XYLT1: variants seen among roughly 807,000 people sequenced by gnomAD.
The protein encoded by XYLT1 is xylosyltransferase 1.
XYLT1 carries 36 observed loss-of-function variants against 91.3 expected under a neutral mutation model. The observed-to-expected ratio is 0.39, with a 90% CI of 0.30 to 0.52. XYLT1 has a LOEUF of 0.52. Among genes scored for constraint, XYLT1 ranks in the 20% least tolerant of loss-of-function variants. The pLI is 0.68. For synonymous variants in XYLT1, 588 were observed against 532.0 expected, an observed-to-expected ratio of 1.11 and a Z score of -1.45; for missense variants, 1,242 against 1,284.5, an observed-to-expected ratio of 0.97 and a Z score of 0.51.
intron 2 of XYLT1, among the ~76,000 whole-genome samples, chr16:17,262,095 C>T (rs969462277): frequency 6.6e-5 from 10 of 152,158 alleles, no homozygotes; most frequent in African/African-American, 2.4e-4. Context: ...GAGCCAGGCA[C>T]CACAGTAAGT....
At chr16:17,227,092 A>G (rs910107359) in intron 3 of XYLT1, 1 of 152,262 alleles carries the variant, frequency 6.6e-6, no homozygotes, top group African/African-American at 2.4e-5. Flanking sequence ...CAGTGGAGCC[A>G]TGGCAGGTAC....
At chr16:17,316,351 G>A (rs192749967) in intron 2 of XYLT1, among the ~76,000 whole-genome samples, 2 of 152,170 alleles carry the variant, frequency 1.3e-5, no homozygotes, top group Admixed American at 1.3e-4. Flanking sequence ...GCAGATTTGG[G>A]GAATTCAGAG....
At chr16:17,327,361 CTTTTTTTT>C (rs138879762) in intron 2 of XYLT1, among the ~76,000 whole-genome samples, 21 of 108,078 alleles carry the variant, frequency 1.9e-4, no homozygotes, top group African/African-American at 5.6e-4. Context: ...TTTCTTTTTT[CTTTTTTTT>C]TTTTTTTTTT....
intron 5 of XYLT1, among the ~76,000 whole-genome samples, chr16:17,195,575 AG>A (rs1047194046): frequency 5.9e-4 from 90 of 152,034 alleles, no homozygotes; most frequent in African/African-American, 2.1e-3. Flanking sequence ...CCTCCCAAGT[AG>A]GGGGGATTAC....
intron 2 of XYLT1, among the ~76,000 whole-genome samples, chr16:17,278,148 G>T (rs938838577): frequency 1.3e-5 from 2 of 152,128 alleles, no homozygotes; most frequent in Non-Finnish European, 2.9e-5. Context: ...GCACCTTTTC[G>T]TGTATGACCA....
At chr16:17,437,588 C>A (rs1170786562) in intron 1 of XYLT1, among the ~76,000 whole-genome samples, 2 of 152,110 alleles carry the variant, frequency 1.3e-5, no homozygotes, top group African/African-American at 4.8e-5. Flanking sequence ...TGAAACGCCA[C>A]CCTGCACAGC....
intron 2 of XYLT1, among the ~76,000 whole-genome samples, chr16:17,264,687 G>A (rs914192512): frequency 2.6e-5 from 4 of 152,178 alleles, no homozygotes; most frequent in African/African-American, 9.7e-5. Flanking sequence ...AGTGGCCCAT[G>A]CTCTGTGTCC....
intron 1 of XYLT1, among the ~76,000 whole-genome samples, chr16:17,446,960 C>T (rs1030563100): frequency 2.1e-4 from 32 of 152,180 alleles, no homozygotes; most frequent in African/African-American, 5.1e-4. Context: ...GGGAAGAGGA[C>T]GCTCTCATCC....
chr16:17,443,471 A>C (rs1318710690), intron 1 of XYLT1, among the ~76,000 whole-genome samples: 1 of 151,992 alleles, frequency 6.6e-6, no homozygotes, highest in Non-Finnish European at 1.5e-5. Flanking sequence ...TTTCCCCTGC[A>C]TTGTCTCTCT....
At chr16:17,216,767 TA>T (rs1400053610) in intron 3 of XYLT1, among the ~76,000 whole-genome samples, 2 of 152,102 alleles carry the variant, frequency 1.3e-5, no homozygotes, top group African/African-American at 4.8e-5. Context: ...TGCTAGCAAG[TA>T]ATGGAGCTAG....
intron 8 of XYLT1, among the ~76,000 whole-genome samples, chr16:17,136,755 G>C (rs2030738696): frequency 1.3e-5 from 2 of 152,114 alleles, no homozygotes; most frequent in African/African-American, 4.8e-5. Flanking sequence ...ACAGGCAGCA[G>C]TGTCTTGACT....
chr16:17,258,760 A>G (rs983067956), intron 3 of XYLT1, among the ~76,000 whole-genome samples: 1 of 152,188 alleles, frequency 6.6e-6, no homozygotes, highest in Non-Finnish European at 1.5e-5. Flanking sequence ...CATAAAGGCA[A>G]TGGGTTAAAG....
chr16:17,255,379 C>T (rs944131232), intron 3 of XYLT1, among the ~76,000 whole-genome samples: 1 of 152,116 alleles, frequency 6.6e-6, no homozygotes, highest in Non-Finnish European at 1.5e-5. Flanking sequence ...TGCCCTATGA[C>T]GGATGGCAGA....
chr16:17,215,810 G>A (rs932957783), intron 3 of XYLT1, among the ~76,000 whole-genome samples: 1 of 152,084 alleles, frequency 6.6e-6, no homozygotes, highest in African/African-American at 2.4e-5. Context: ...AGTGTGGCTG[G>A]AACTGAGGCC....
At chr16:17,400,048 C>G (rs1596525769) in intron 1 of XYLT1, among the ~76,000 whole-genome samples, 1 of 152,324 alleles carries the variant, frequency 6.6e-6, no homozygotes, top group Admixed American at 6.5e-5. Context: ...TGGCCCTCAC[C>G]AGGCTTCTCA....
intron 2 of XYLT1, among the ~76,000 whole-genome samples, chr16:17,292,789 C>A (rs8063678): frequency 0.12 from 18,390 of 152,204 alleles, 1,492 homozygotes; most frequent in African/African-American, 0.23. Flanking sequence ...CACTTTCCTG[C>A]ACAAAGTGGG....
chr16:17,357,094 G>A (rs1188428466), intron 2 of XYLT1, among the ~76,000 whole-genome samples: 1 of 141,984 alleles, frequency 7.0e-6, no homozygotes, highest in Non-Finnish European at 1.5e-5. Flanking sequence ...GAAGAATGGC[G>A]TGAACCCGGG....
At chr16:17,243,802 A>C (rs1051773479) in intron 3 of XYLT1, among the ~76,000 whole-genome samples, 1 of 152,120 alleles carries the variant, frequency 6.6e-6, no homozygotes, top group Non-Finnish European at 1.5e-5. Flanking sequence ...TGAGAAAGTC[A>C]GAGGGGTGAG....
At position 17,161,462 on chromosome 16, in the gene XYLT1, C is replaced by T. The variant is rs760390022; in HGVS notation, c.1290-2553G>A. Among the ~76,000 whole-genome samples the T allele has an allele frequency of 1.3e-4, 20 of 152,262 alleles. No individual in the cohort carries two copies. In the South Asian group the frequency reaches 1.5e-3, roughly 11 times the overall value. On this transcript the variant is annotated intron_variant, in intron 5 of 11. Transcript: ENST00000261381. ...ACCCCCCTTGCTAGGGTCTCGGGCC[C>T]CTCGCTCTCCCTCTGTGTGAAATGC...
Sources: allele counts gnomAD v4.1 joint callset (sites outside exome capture counted in the v4.1 genomes callset), GRCh38; gene constraint gnomAD v4.1.1; transcripts MANE v1.5; gene names NCBI Gene and HGNC (gene_info 2026-07-23, HGNC 2026-07-21).